AFF1: variants seen among roughly 807,000 people sequenced by gnomAD.
AFF1 encodes the protein ALF transcription elongation factor 1.
Under a neutral mutation model 121.7 loss-of-function variants are expected in AFF1, and 48 were observed. The ratio of observed to expected loss-of-function variants is 0.39; its 90% CI spans 0.31 to 0.50. AFF1 has a LOEUF of 0.50. Ranked by LOEUF, AFF1 falls within the 20% of genes least tolerant of loss-of-function variation. AFF1 has a pLI of 0.76. For missense variants in AFF1, 1,523 were observed against 1,511.7 expected (o/e 1.01, Z -0.12); for synonymous variants, 613 against 563.0 (o/e 1.09, Z -1.26).
At chr4:86,961,968 A>G (rs562010412) in intron 2 of AFF1, among the ~76,000 whole-genome samples, 1 of 152,160 alleles carries the variant, frequency 6.6e-6, no homozygotes, top group Non-Finnish European at 1.5e-5. Flanking sequence ...TGGAGGTTTA[A>G]TTTTCCAGTA....
intron 12 of AFF1, among the ~76,000 whole-genome samples, chr4:87,117,407 T>C (rs1405482239): frequency 6.6e-6 from 1 of 152,222 alleles, no homozygotes; most frequent in Non-Finnish European, 1.5e-5. Flanking sequence ...TCAGGATTGA[T>C]GTCTGACCCA....
intron 4 of AFF1, among the ~76,000 whole-genome samples, chr4:87,073,961 G>A (rs1722394558): frequency 6.6e-6 from 1 of 151,866 alleles, no homozygotes; most frequent in South Asian, 2.1e-4. Flanking sequence ...ACAGAGTAGA[G>A]TGCTCGTGTG....
intron 2 of AFF1, among the ~76,000 whole-genome samples, chr4:87,012,015 T>A (rs340631): frequency 0.94 from 142,838 of 152,282 alleles, 67,314 homozygotes; most frequent in Non-Finnish European, 0.98. Context: ...TAAATTTCAA[T>A]TACATTCAGG....
At position 87,108,251 on chromosome 4, in the gene AFF1, C is replaced by G; in HGVS notation, c.1469C>G (p.Ser490Ter). 6.2e-7 allele frequency: 1 copy of G among 1,614,126 alleles called. No homozygotes were observed. The highest frequency in any genetic ancestry group is 8.5e-7 in the Non-Finnish European group (1 of 1,180,024). The change falls in exon 11 of 21, where the codon TCA becomes TGA. Residue 490 changes from serine (S) to a stop codon, truncating the protein, a stop_gained. Transcript: ENST00000395146. LOFTEE classifies it high-confidence loss of function. ...STSDSDSSSD[S>*]ESESSSSDSE... Reference sequence around the variant, plus strand: ...AGTGACTCAGACAGTTCCTCAGACTCAGAGAGCGAGAGCAGTTCAAGTGAC... The same window carrying G: ...AGTGACTCAGACAGTTCCTCAGACTGAGAGAGCGAGAGCAGTTCAAGTGAC...
intron 4 of AFF1, among the ~76,000 whole-genome samples, chr4:87,077,326 G>A (rs1233925608): frequency 6.6e-6 from 1 of 152,138 alleles, no homozygotes; most frequent in African/African-American, 2.4e-5. Context: ...AGTGTGGCGT[G>A]TATTACGTAG....
rs757921988 is a variant in AFF1, at chr4:87,126,253, A to G, written c.2728A>G (p.Thr910Ala). Residue 910 changes from threonine to alanine, a missense_variant, in exon 14 of 21, where the codon ACC (threonine) becomes GCC (alanine). By Grantham distance (58) the Thr-to-Ala change is moderately conservative. Coordinates refer to ENST00000395146, the MANE Select transcript of AFF1 (RefSeq NM_001166693.3). ...GQDPPKSASS[T>A]KSNHKDSSIP... ...GGACCCTCCCAAAAGTGCCAGCAGT[A>G]CCAAGAGCAACCACAAAGACTCTTC... 17 of 1,614,118 alleles carry G rather than the reference A, an allele frequency of 1.1e-5. No individual in the cohort carries two copies. In the South Asian group the frequency reaches 1.9e-4, roughly 18 times the overall value.
intron 2 of AFF1, among the ~76,000 whole-genome samples, chr4:86,995,364 C>T (rs868743479): frequency 6.3e-5 from 9 of 142,298 alleles, no homozygotes; most frequent in African/African-American, 1.0e-4. Context: ...GATGCCGAGC[C>T]GAAGCTGGAC....
intron 1 of AFF1, among the ~76,000 whole-genome samples, chr4:86,947,002 C>T (rs1720914798): frequency 6.6e-6 from 1 of 152,108 alleles, no homozygotes; most frequent in African/African-American, 2.4e-5. Context: ...TTTTATTGAT[C>T]ACTTACTGTG....
intron 11 of AFF1, 83 bp downstream of exon 11, chr4:87,108,398 C>A (rs1726146495): frequency 6.8e-7 from 1 of 1,469,568 alleles, no homozygotes; most frequent in Non-Finnish European, 9.2e-7. Flanking sequence ...TGGGCCAGGA[C>A]TGACCATGAG....
intron 19 of AFF1, 98 bp from the exon 20 acceptor site, chr4:87,134,373 C>T: frequency 8.5e-7 from 1 of 1,179,284 alleles, no homozygotes; most frequent in South Asian, 1.5e-5. Flanking sequence ...TATAGTGAAA[C>T]TTTGTGTCTT....
chr4:86,994,870 G>A (rs1724994553), intron 2 of AFF1, among the ~76,000 whole-genome samples: 1 of 152,152 alleles, frequency 6.6e-6, no homozygotes, highest in Admixed American at 6.5e-5. Flanking sequence ...GCGGGGAGGG[G>A]ACAGAGAGAG....
At chr4:86,950,102 T>C (rs1721198855) in intron 2 of AFF1, 10 of 1,613,742 alleles carry the variant, frequency 6.2e-6, no homozygotes, top group Non-Finnish European at 8.5e-6. Context: ...GTAGGTGCAG[T>C]TCTGAAAGGG....
intron 4 of AFF1, among the ~76,000 whole-genome samples, chr4:87,074,575 TTTG>T: frequency 6.6e-6 from 1 of 152,258 alleles, no homozygotes; most frequent in East Asian, 1.9e-4. Context: ...ATTCAGGTAC[TTTG>T]TTGTTAAGTG....
intron 1 of AFF1, among the ~76,000 whole-genome samples, chr4:86,938,406 CA>C (rs1341852972): frequency 5.5e-5 from 8 of 145,936 alleles, no homozygotes; most frequent in Middle Eastern, 3.3e-3. Context: ...GCCGAGATTG[CA>C]CTGCTGCACT....
At chr4:86,960,139 TAGTGGTG>T (rs1722041980) in intron 2 of AFF1, among the ~76,000 whole-genome samples, 1 of 152,198 alleles carries the variant, frequency 6.6e-6, no homozygotes, top group African/African-American at 2.4e-5. Flanking sequence ...CAGGGTTTCC[TAGTGGTG>T]AGCATGGGGC....
chr4:87,061,660 G>A (rs868134679), intron 4 of AFF1, among the ~76,000 whole-genome samples: 5 of 152,146 alleles, frequency 3.3e-5, no homozygotes, highest in African/African-American at 7.2e-5. Context: ...GTGCTGTCTT[G>A]TCCCAGACCT....
At chr4:86,977,131 T>C (rs1253098265) in intron 2 of AFF1, among the ~76,000 whole-genome samples, 1 of 152,140 alleles carries the variant, frequency 6.6e-6, no homozygotes, top group African/African-American at 2.4e-5. Flanking sequence ...AGTCCCCCCA[T>C]ATGAGACAGA....
intron 5 of AFF1, among the ~76,000 whole-genome samples, chr4:87,089,218 TTG>T (rs1724051308): frequency 6.6e-6 from 1 of 152,132 alleles, no homozygotes; most frequent in South Asian, 2.1e-4. Flanking sequence ...AAAAGTGTGT[TTG>T]TGTGTGTATG....
Position 87,135,794 on chromosome 4 carries a change from A to C in AFF1, c.*93A>C. 2 of 1,430,042 alleles carry C rather than the reference A, an allele frequency of 1.4e-6. No homozygotes were observed. The highest frequency in any genetic ancestry group is 1.8e-6 in the Non-Finnish European group (2 of 1,083,298). The allele number at this position is 1,430,042 out of a possible 1,614,324, so 88.6% of individuals were successfully genotyped here. On this transcript the variant is annotated 3_prime_UTR_variant, in exon 21 of 21. Transcript: ENST00000395146. Reference sequence around the variant, plus strand: ...AGACATTTGTTTCATCAGGACACCAAACTCTAAAAAAGAAGCACCACGAGA... The same window carrying C: ...AGACATTTGTTTCATCAGGACACCACACTCTAAAAAAGAAGCACCACGAGA...
Sources: allele counts gnomAD v4.1 joint callset (sites outside exome capture counted in the v4.1 genomes callset), GRCh38; gene constraint gnomAD v4.1.1; transcripts MANE v1.5; gene names NCBI Gene and HGNC (gene_info 2026-07-23, HGNC 2026-07-21).